The following MAGEC3 variants were observed in gnomAD, a reference collection of about 807,000 sequenced individuals.
MAGEC3 encodes melanoma-associated antigen C3.
A neutral mutation model predicts 35.3 loss-of-function variants in MAGEC3; 34 were observed. The observed-to-expected ratio is 0.96, with a 90% CI of 0.73 to 1.28. MAGEC3 has a LOEUF of 1.28. Among genes scored for constraint, MAGEC3 ranks in the 50% most tolerant of loss-of-function variants. The pLI is 0.00. For synonymous variants in MAGEC3, 202 were observed against 185.6 expected (o/e 1.09, Z -0.72); for missense variants, 561 against 483.6 (o/e 1.16, Z -1.50).
At chrX:141,840,338 T>C (rs959724378) in intron 1 of MAGEC3, among the ~76,000 whole-genome samples, 5 of 112,174 alleles carry the variant, frequency 4.5e-5, no homozygotes, top group Non-Finnish European at 7.5e-5. Context: ...GAATATCAGG[T>C]CATAAAATAT....
chrX:141,844,356 C>T (rs1248205956), intron 1 of MAGEC3, among the ~76,000 whole-genome samples: 2 of 110,950 alleles, frequency 1.8e-5, no homozygotes, highest in East Asian at 5.7e-4. Flanking sequence ...CATTCCCTTG[C>T]TGAAAAGTCA....
At chrX:141,856,720 A>G (rs182759116) in intron 1 of MAGEC3, among the ~76,000 whole-genome samples, 2 of 112,036 alleles carry the variant, frequency 1.8e-5, no homozygotes, top group Admixed American at 1.9e-4. Context: ...TATACTATTC[A>G]GCCATAAAAA....
intron 4 of MAGEC3, among the ~76,000 whole-genome samples, chrX:141,891,684 TAA>T (rs2018042599): frequency 9.6e-6 from 1 of 104,199 alleles, no homozygotes; most frequent in African/African-American, 3.4e-5. Flanking sequence ...TATGCATATA[TAA>T]ATATATATAT....
At chrX:141,863,689 A>G (rs769063155) in intron 1 of MAGEC3, among the ~76,000 whole-genome samples, 6 of 111,674 alleles carry the variant, frequency 5.4e-5, no homozygotes, top group Non-Finnish European at 1.1e-4. Flanking sequence ...CTTCAATAAA[A>G]AAGATATACA....
chrX:141,857,781 A>G (rs2017790585), intron 1 of MAGEC3, among the ~76,000 whole-genome samples: 1 of 110,588 alleles, frequency 9.0e-6, no homozygotes, highest in South Asian at 3.8e-4. Context: ...TATTTTCCTC[A>G]CCTTGGTTTT....
At chrX:141,865,408 A>G (rs902424579) in intron 1 of MAGEC3, 63 bp from the exon 2 acceptor site, 75 of 1,088,740 alleles carry the variant, frequency 6.9e-5, no homozygotes, top group Non-Finnish European at 8.0e-5. Flanking sequence ...AATAGAGTAG[A>G]TCTTCCATCA....
chrX:141,839,975 G>A (rs2017676515), intron 1 of MAGEC3: 2 of 745,325 alleles, frequency 2.7e-6, no homozygotes, highest in East Asian at 3.0e-4. Context: ...GAGAAACCCT[G>A]AGTTTAACAT....
At chrX:141,879,900 G>A (rs2017949374) in intron 3 of MAGEC3, among the ~76,000 whole-genome samples, 1 of 111,173 alleles carries the variant, frequency 9.0e-6, no homozygotes, top group Non-Finnish European at 1.9e-5. Flanking sequence ...CAGAAGAAGG[G>A]AGGAGGTGCC....
intron 2 of MAGEC3, among the ~76,000 whole-genome samples, chrX:141,874,447 A>C (rs2017907778): frequency 8.9e-6 from 1 of 112,171 alleles, no homozygotes; most frequent in African/African-American, 3.2e-5. Context: ...GTTTTGCAAA[A>C]AAAATCTGAC....
chrX:141,865,449 C>T (rs772806564), intron 1 of MAGEC3, 22 bp from the exon 2 acceptor site: 22 of 1,195,704 alleles, frequency 1.8e-5, no homozygotes, highest in Middle Eastern at 2.3e-4. Context: ...CTAGTCCTGC[C>T]CCTGATATTT....
intron 4 of MAGEC3, among the ~76,000 whole-genome samples, chrX:141,882,840 G>C (rs754356339): frequency 9.0e-6 from 1 of 111,728 alleles, no homozygotes; most frequent in East Asian, 2.8e-4. Flanking sequence ...ACAATCATAA[G>C]TTTCAAAAAA....
In MAGEC3 at chrX:141,897,259, G is replaced by A; in HGVS notation, c.1501G>A (p.Ala501Thr). ...KDYFPMIFGK[A>T]HEFIELIFGI... The stretch of plus-strand genomic sequence containing the variant: ...CTATTTTCCCATGATCTTCGGGAAA[G>A]CCCATGAGTTCATAGAGCTAATTTT... The change falls in exon 7 of 8, where the codon GCC becomes ACC. Residue 501 changes from alanine to threonine, a missense_variant. By Grantham distance (58) the Ala-to-Thr change is moderately conservative. Transcript: ENST00000298296. 8.3e-7 allele frequency: 1 copy of A among 1,211,874 alleles called. No individual in the cohort carries two copies. The highest frequency in any genetic ancestry group is 1.1e-6 in the Non-Finnish European group (1 of 895,522).
In MAGEC3 at chrX:141,869,989, C is replaced by T. The variant is rs145689794; in HGVS notation, c.258+4384C>T. Among the ~76,000 whole-genome samples the T allele has an allele frequency of 6.5e-3, 723 of 110,968 alleles. 5 individuals are homozygous for T. The highest frequency in any genetic ancestry group is 0.022 in the African/African-American group (663 of 30,264). ...CTCTTTTCCAGATGCTTCAGGGGCC[C>T]TGTGCAGTACCCAAAAGCCAGGGGT... On this transcript the variant is annotated intron_variant, in intron 2 of 7. Coordinates refer to ENST00000298296, the MANE Select transcript of MAGEC3 (RefSeq NM_138702.1).
chrX:141,879,823 C>T (rs1381999266), intron 3 of MAGEC3, among the ~76,000 whole-genome samples: 1 of 111,252 alleles, frequency 9.0e-6, no homozygotes, highest in Admixed American at 9.5e-5. Flanking sequence ...TGCCCTCTAC[C>T]TGCTGTGAGA....
At chrX:141,863,839 C>G (rs1196658393) in intron 1 of MAGEC3, among the ~76,000 whole-genome samples, 2 of 111,303 alleles carry the variant, frequency 1.8e-5, no homozygotes, top group Non-Finnish European at 3.8e-5. Flanking sequence ...TAATGTGAAA[C>G]AAAAGGAACT....
At chrX:141,892,108 C>T (rs147664794) in intron 4 of MAGEC3, among the ~76,000 whole-genome samples, 1,252 of 111,140 alleles carry the variant, frequency 0.011, 18 homozygotes, top group African/African-American at 0.038. Flanking sequence ...ACCTTGTATA[C>T]ACCTTGCTTT....
At chrX:141,860,115 A>C (rs2017806080) in intron 1 of MAGEC3, among the ~76,000 whole-genome samples, 1 of 111,563 alleles carries the variant, frequency 9.0e-6, no homozygotes, top group Admixed American at 9.5e-5. Flanking sequence ...AGCAGGCAAC[A>C]GTTTTCCTAA....
chrX:141,869,120 G>C (rs113189234), intron 2 of MAGEC3, among the ~76,000 whole-genome samples: 5,271 of 109,952 alleles, frequency 0.048, 300 homozygotes, highest in African/African-American at 0.17. Context: ...TCCTGATCTC[G>C]TAATCCACCT....
intron 4 of MAGEC3, among the ~76,000 whole-genome samples, chrX:141,892,643 C>T (rs12010668): frequency 0.19 from 21,336 of 110,548 alleles, 3,648 homozygotes; most frequent in African/African-American, 0.56. Context: ...TTCACAAACA[C>T]ATTTTATCAG....
Sources: gnomAD v4.1 joint callset for allele counts (sites outside exome capture counted in the v4.1 genomes callset) on GRCh38, gnomAD v4.1.1 for gene constraint, MANE v1.5 for transcripts, NCBI Gene and HGNC (gene_info 2026-07-23, HGNC 2026-07-21) for gene names.